Variants in TOX observed in about 807,000 individuals in gnomAD.
TOX encodes thymocyte selection associated high mobility group box.
In TOX, 11 loss-of-function variants were observed where a neutral mutation model predicts 53.7. That is an observed-to-expected ratio of 0.20 (90% CI 0.13 to 0.34). The LOEUF (loss-of-function observed/expected upper bound fraction) is 0.34, where lower values mean the gene tolerates loss of function less well. Among genes scored for constraint, TOX ranks in the 10% least tolerant of loss-of-function variants. The pLI is 1.00. For synonymous variants in TOX, 225 were observed against 245.3 expected, an observed-to-expected ratio of 0.92 and a Z score of 0.77; for missense variants, 570 against 664.6, an observed-to-expected ratio of 0.86 and a Z score of 1.56.
Position 58,838,149 on chromosome 8 carries a change from C to A in TOX, c.856G>T (p.Ala286Ser), listed in dbSNP as rs1023797578. The A allele has an allele frequency of 1.2e-6, 2 of 1,614,038 alleles. No homozygotes were observed. Among genetic ancestry groups the A allele is most frequent in the African/African-American group, 1.3e-5 (1 of 74,926 alleles). Residue 286 changes from alanine (A) to serine (S), a missense_variant, in exon 5 of 9, where the codon GCT (alanine) becomes TCT (serine). Around this residue, in one of 3 missense-constraint regions of TOX, gnomAD observed 49 missense variants for 98.9 expected, o/e 0.50. Transcript: ENST00000361421. ...QAAIKGQNPN[A>S]TFGEVSKIVA... The stretch of plus-strand genomic sequence containing the variant: ...ATTTTAGAGACTTCGCCAAAGGTAG[C>A]GTTTGGATTTTGGCCCTTGATGGCG...
chr8:58,990,252 T>G (rs1363654438), intron 1 of TOX, among the ~76,000 whole-genome samples: 1 of 152,114 alleles, frequency 6.6e-6, no homozygotes, highest in Non-Finnish European at 1.5e-5. Flanking sequence ...GAAATTCAGA[T>G]GGGATTTGAC....
chr8:59,070,893 C>G (rs1804187532), intron 1 of TOX, among the ~76,000 whole-genome samples: 1 of 152,006 alleles, frequency 6.6e-6, no homozygotes, highest in South Asian at 2.1e-4. Flanking sequence ...ATAATTGCAT[C>G]CCGAACAAAA....
chr8:58,926,845 G>A (rs1812169712), intron 3 of TOX, among the ~76,000 whole-genome samples: 2 of 151,518 alleles, frequency 1.3e-5, no homozygotes, highest in African/African-American at 4.9e-5. Context: ...AGGCGCTAAC[G>A]CTGTCTTCCT....
intron 6 of TOX, among the ~76,000 whole-genome samples, chr8:58,818,623 T>C (rs942167306): frequency 1.4e-5 from 2 of 147,996 alleles, no homozygotes; most frequent in Admixed American, 1.3e-4. Flanking sequence ...ATGACTATTC[T>C]TGAGCAATCC....
chr8:58,859,103 C>A (rs915480297), intron 3 of TOX, among the ~76,000 whole-genome samples: 1 of 152,108 alleles, frequency 6.6e-6, no homozygotes, highest in East Asian at 1.9e-4. Context: ...TTAAATAAAT[C>A]GTTTTTACGT....
chr8:59,091,510 T>C (rs999072120), intron 1 of TOX, among the ~76,000 whole-genome samples: 2 of 152,118 alleles, frequency 1.3e-5, no homozygotes, highest in Admixed American at 6.6e-5. Flanking sequence ...TTGGACAATA[T>C]AGACAGACAG....
intron 1 of TOX, among the ~76,000 whole-genome samples, chr8:59,104,986 GT>G (rs1390136067): frequency 6.6e-6 from 1 of 152,088 alleles, no homozygotes; most frequent in Non-Finnish European, 1.5e-5. Context: ...TCATCTCTGT[GT>G]CCCTCCCTGA....
intron 6 of TOX, among the ~76,000 whole-genome samples, chr8:58,817,765 A>AT (rs1162338867): frequency 6.6e-6 from 1 of 152,130 alleles, no homozygotes; most frequent in African/African-American, 2.4e-5. Flanking sequence ...GTGCATCTTT[A>AT]TTTTTTGCTT....
chr8:59,099,637 A>C (rs568711911), intron 1 of TOX, among the ~76,000 whole-genome samples: 28 of 152,338 alleles, frequency 1.8e-4, no homozygotes, highest in South Asian at 2.1e-4. Context: ...ATTTCAAAGG[A>C]GAAGCAATCA....
At chr8:59,001,489 G>C (rs1489822032) in intron 1 of TOX, among the ~76,000 whole-genome samples, 1 of 152,090 alleles carries the variant, frequency 6.6e-6, no homozygotes, top group Non-Finnish European at 1.5e-5. Context: ...CAGTTTTGAG[G>C]GGATGTGAAC....
In TOX at chr8:58,902,012, G is replaced by A. The variant is rs117481514; in HGVS notation, c.411+37290C>T. ...TTAACATAGTATTATTTATTGTATA[G>A]CACACTATTTCTGGTTTAATTTAAG... On this transcript the variant is annotated intron_variant, in intron 3 of 8. Transcript: ENST00000361421. 6.8e-3 allele frequency among the ~76,000 whole-genome samples: 1,035 copies of A among 152,224 alleles called. 45 individuals are homozygous for A. The South Asian group carries it at 0.088, about 13-fold the overall frequency.
chr8:58,928,997 A>C (rs1217421525), intron 3 of TOX, among the ~76,000 whole-genome samples: 3 of 152,150 alleles, frequency 2.0e-5, no homozygotes, highest in Non-Finnish European at 4.4e-5. Flanking sequence ...AACTCCCTAA[A>C]GGTTGAAAAA....
At chr8:59,026,870 T>C (rs944668746) in intron 1 of TOX, among the ~76,000 whole-genome samples, 11 of 139,472 alleles carry the variant, frequency 7.9e-5, no homozygotes, top group Admixed American at 7.4e-4. Flanking sequence ...AATACATTTA[T>C]AGAATTCTTT....
chr8:58,956,551 T>A (rs1254219155), intron 2 of TOX, among the ~76,000 whole-genome samples: 1 of 152,226 alleles, frequency 6.6e-6, no homozygotes, highest in Admixed American at 6.5e-5. Flanking sequence ...TTTGTGTGTG[T>A]GTGGCAAGAA....
chr8:58,989,035 C>T (rs529570273), intron 1 of TOX, among the ~76,000 whole-genome samples: 84 of 152,320 alleles, frequency 5.5e-4, no homozygotes, highest in Admixed American at 3.3e-3. Context: ...AAACTTTAGG[C>T]TGGGTGCGGT....
chr8:58,975,247 C>T lies in TOX; in HGVS notation c.103-15239G>A, dbSNP rs199899509. ...TGTATATGTGTGTGATATATATATACACACACACACACACACCCCCACACA... is the reference window on the plus strand; with the variant it reads ...TGTATATGTGTGTGATATATATATATACACACACACACACACCCCCACACA... On this transcript the variant is annotated intron_variant, in intron 1 of 8. Coordinates refer to ENST00000361421, the MANE Select transcript of TOX (RefSeq NM_014729.3). Among the ~76,000 whole-genome samples, 167 of 37,610 alleles carry T rather than the reference C, an allele frequency of 4.4e-3. 2 individuals are homozygous for T. The highest frequency in any genetic ancestry group is 9.3e-3 in the East Asian group (8 of 858). The allele number at this position is 37,610 out of a possible 152,430, so 24.7% of individuals were successfully genotyped here.
chr8:58,818,174 A>C (rs1261314466), intron 6 of TOX, among the ~76,000 whole-genome samples: 1 of 152,170 alleles, frequency 6.6e-6, no homozygotes, highest in East Asian at 1.9e-4. Context: ...CTAGCCACTT[A>C]TTTGTCATTT....
chr8:58,838,610 C>T (rs1254253528), intron 4 of TOX, among the ~76,000 whole-genome samples: 1 of 151,788 alleles, frequency 6.6e-6, no homozygotes, highest in Non-Finnish European at 1.5e-5. Context: ...TTCTCTTACA[C>T]TGTAACTGTG....
intron 1 of TOX, among the ~76,000 whole-genome samples, chr8:59,056,725 C>T (rs778196936): frequency 5.3e-5 from 8 of 152,184 alleles, no homozygotes; most frequent in Non-Finnish European, 1.2e-4. Flanking sequence ...CACATGCCAC[C>T]TGTTTAGGAA....
Sources: gnomAD v4.1 joint callset for allele counts (sites outside exome capture counted in the v4.1 genomes callset) on GRCh38, gnomAD v4.1.1 for gene constraint, gnomAD v4.1.1 regional missense constraint, MANE v1.5 for transcripts, NCBI Gene and HGNC (gene_info 2026-07-23, HGNC 2026-07-21) for gene names.